The following ATP11C variants were observed in gnomAD, a reference collection of about 807,000 sequenced individuals.
The protein encoded by ATP11C is ATPase phospholipid transporting 11C (ATP11C blood group), also known as phospholipid-transporting ATPase IG.
A neutral mutation model predicts 97.4 loss-of-function variants in ATP11C; 36 were observed. That is an observed-to-expected ratio of 0.37 (90% CI 0.28 to 0.49). The LOEUF is 0.49. Among genes scored for constraint, ATP11C ranks in the 20% least tolerant of loss-of-function variants. ATP11C has a pLI of 0.98. For missense variants in ATP11C, 730 were observed against 824.6 expected (o/e 0.89, Z 1.40); for synonymous variants, 275 against 290.9 (o/e 0.95, Z 0.56).
At chrX:139,768,692 C>T (rs1336370431) in intron 19 of ATP11C, among the ~76,000 whole-genome samples, 1 of 110,357 alleles carries the variant, frequency 9.1e-6, no homozygotes, top group Non-Finnish European at 1.9e-5. Flanking sequence ...GCCACATTTC[C>T]CAGTTATTTA....
chrX:139,933,880 G>T (rs1041583974), upstream of ATP11C, among the ~76,000 whole-genome samples: 17 of 112,846 alleles, frequency 1.5e-4, no homozygotes, highest in African/African-American at 5.5e-4. Flanking sequence ...CCCCAACAGG[G>T]TGGTCGCAAT....
intron 1 of ATP11C, among the ~76,000 whole-genome samples, chrX:139,904,426 G>A (rs1271809378): frequency 9.0e-6 from 1 of 110,815 alleles, no homozygotes; most frequent in Non-Finnish European, 1.9e-5. Flanking sequence ...TACTCGGGAG[G>A]TTGAGGCAGG....
chrX:139,742,914 A>T (rs942432970), intron 26 of ATP11C, among the ~76,000 whole-genome samples: 1 of 93,949 alleles, frequency 1.1e-5, no homozygotes, highest in East Asian at 3.3e-4. Context: ...TATATATATA[A>T]AAATAGAGAC....
At position 139,790,011 on chromosome X, in the gene ATP11C, T is replaced by G. The variant is rs191724376; in HGVS notation, c.1207-523A>C. ...CATCACTATACTCCAACCTGGGTGA[T>G]AGAGTGAGACTCTGTCTCAGGAAAA... On this transcript the variant is annotated intron_variant, in intron 12 of 29. Transcript: ENST00000682941. Among the ~76,000 whole-genome samples the G allele has an allele frequency of 4.1e-4, 44 of 107,947 alleles. No homozygotes were observed. In the East Asian group the frequency reaches 8.8e-3, roughly 22 times the overall value. 93.7% of individuals were successfully genotyped at this position (107,947 alleles called of 115,157 possible).
chrX:139,866,128 G>A, intron 1 of ATP11C, among the ~76,000 whole-genome samples: 1 of 109,956 alleles, frequency 9.1e-6, no homozygotes, highest in Middle Eastern at 4.7e-3. Context: ...GGCAGATCAC[G>A]AGGTCAGGAG....
chrX:139,740,146 T>C (rs1465682983), intron 27 of ATP11C, among the ~76,000 whole-genome samples: 1 of 111,916 alleles, frequency 8.9e-6, no homozygotes, highest in Non-Finnish European at 1.9e-5. Context: ...TCCTGAAATC[T>C]TACACTATGG....
intron 1 of ATP11C, among the ~76,000 whole-genome samples, chrX:139,928,012 ACT>A (rs1199741168): frequency 8.9e-6 from 1 of 111,882 alleles, no homozygotes; most frequent in African/African-American, 3.3e-5. Flanking sequence ...CTAAGAACAC[ACT>A]GTGAACTGTC....
chrX:139,926,467 G>A (rs983969286), intron 1 of ATP11C, among the ~76,000 whole-genome samples: 12 of 111,766 alleles, frequency 1.1e-4, no homozygotes, highest in Admixed American at 7.6e-4. Flanking sequence ...ACACAGCAAG[G>A]TTAGTTATGG....
chrX:139,771,169 C>A (rs2082246829), intron 19 of ATP11C, among the ~76,000 whole-genome samples: 1 of 111,198 alleles, frequency 9.0e-6, no homozygotes, highest in African/African-American at 3.3e-5. Flanking sequence ...GCCGGTCTTT[C>A]CTGTGCTGTT....
intron 16 of ATP11C, 37 bp downstream of exon 16, chrX:139,785,189 C>A: frequency 9.3e-7 from 1 of 1,076,300 alleles, no homozygotes; most frequent in Non-Finnish European, 1.3e-6. Flanking sequence ...GCCTACAAAT[C>A]AACAAAGAGA....
chrX:139,791,702 CA>C (rs2148739200), intron 12 of ATP11C, among the ~76,000 whole-genome samples: 1 of 110,661 alleles, frequency 9.0e-6, no homozygotes, highest in African/African-American at 3.3e-5. Context: ...GATCTATACT[CA>C]GAAAAAGAAG....
chrX:139,801,181 A>G (rs181245891), intron 7 of ATP11C, among the ~76,000 whole-genome samples: 84 of 112,541 alleles, frequency 7.5e-4, no homozygotes, highest in African/African-American at 2.6e-3. Context: ...GCAAGGGTAT[A>G]GATATTGTTC....
At chrX:139,788,374 A>C in intron 13 of ATP11C, 31 bp from the exon 14 acceptor site, 2 of 1,159,884 alleles carry the variant, frequency 1.7e-6, no homozygotes, top group Non-Finnish European at 2.3e-6. Context: ...AATGATTATT[A>C]TTTTTAATTT....
rs143701601 is a variant in ATP11C, at chrX:139,867,963, A to T, written c.28-41140T>A. 2.0e-3 allele frequency among the ~76,000 whole-genome samples: 219 copies of T among 111,860 alleles called. 1 individual carries two copies. Among genetic ancestry groups the T allele is most frequent in the African/African-American group, 6.5e-3 (200 of 30,790 alleles). On this transcript the variant is annotated intron_variant, in intron 1 of 29. Coordinates refer to ENST00000682941, the MANE Select transcript of ATP11C (RefSeq NM_001353812.2). ...GGAGTTAAGAGAGATTAAAAAAAGA[A>T]CTGAAAAGACTTAGAGGTGTATTGC...
intron 1 of ATP11C, among the ~76,000 whole-genome samples, chrX:139,847,896 C>T (rs1286922932): frequency 9.0e-6 from 1 of 110,893 alleles, no homozygotes; most frequent in Non-Finnish European, 1.9e-5. Context: ...CCTCTTGCCT[C>T]CCCCTTGCTT....
At chrX:139,771,839 G>A (rs963203056) in intron 19 of ATP11C, among the ~76,000 whole-genome samples, 2 of 111,879 alleles carry the variant, frequency 1.8e-5, no homozygotes, top group African/African-American at 6.5e-5. Context: ...ATTTTAAAAG[G>A]GAAACAGAGC....
At chrX:139,920,362 A>G (rs1288151468) in intron 1 of ATP11C, among the ~76,000 whole-genome samples, 2 of 46,304 alleles carry the variant, frequency 4.3e-5, no homozygotes, top group Non-Finnish European at 1.4e-4. Context: ...AAAAAAAAAA[A>G]AAAAGAATTA....
At chrX:139,793,509 G>A (rs1009939926) in intron 12 of ATP11C, among the ~76,000 whole-genome samples, 1 of 111,048 alleles carries the variant, frequency 9.0e-6, no homozygotes, top group African/African-American at 3.3e-5. Context: ...AGTATATGTT[G>A]AACATGTGAA....
chrX:139,800,772 G>A (rs1484398749), intron 7 of ATP11C, among the ~76,000 whole-genome samples: 1 of 111,804 alleles, frequency 8.9e-6, no homozygotes, highest in Non-Finnish European at 1.9e-5. Flanking sequence ...CTGTATTTCT[G>A]CAAAATAAGG....
Sources: gnomAD v4.1 joint callset for allele counts (sites outside exome capture counted in the v4.1 genomes callset) on GRCh38, gnomAD v4.1.1 for gene constraint, MANE v1.5 for transcripts, NCBI Gene and HGNC (gene_info 2026-07-23, HGNC 2026-07-21) for gene names.